COX10: variants seen among roughly 807,000 people sequenced by gnomAD.
The protein encoded by COX10 is protoheme IX farnesyltransferase, mitochondrial.
In COX10, 27 loss-of-function variants were observed where a neutral mutation model predicts 37.3. The ratio of observed to expected loss-of-function variants is 0.72; its 90% CI spans 0.53 to 1.00. The LOEUF is 1.00. Among genes scored for constraint, COX10 ranks in the 50% least tolerant of loss-of-function variants. The probability of loss-of-function intolerance (pLI) is 0.00; values close to 1 mark genes in which losing one functional copy is unlikely to be tolerated. For synonymous variants in COX10, 222 were observed against 229.1 expected, an observed-to-expected ratio of 0.97 and a Z score of 0.28; for missense variants, 475 against 563.2, an observed-to-expected ratio of 0.84 and a Z score of 1.59.
intron 5 of COX10, among the ~76,000 whole-genome samples, chr17:14,175,508 G>T (rs1415204696): frequency 6.6e-6 from 1 of 150,814 alleles, no homozygotes; most frequent in African/African-American, 2.4e-5. Flanking sequence ...TTCTTATAAA[G>T]CTGTCAGTAA....
chr17:14,184,697 T>C (rs1436115450), intron 5 of COX10, among the ~76,000 whole-genome samples: 1 of 152,234 alleles, frequency 6.6e-6, no homozygotes, highest in Non-Finnish European at 1.5e-5. Flanking sequence ...CCTCTGTTCT[T>C]CCACTAGAAC....
intron 5 of COX10, among the ~76,000 whole-genome samples, chr17:14,184,915 A>G (rs1337180225): frequency 1.3e-5 from 2 of 149,746 alleles, no homozygotes; most frequent in African/African-American, 4.9e-5. Flanking sequence ...TTCCCAGGTG[A>G]TGCTGATGGT....
At position 14,076,942 on chromosome 17, in the gene COX10, G is replaced by T. The variant is rs763435925; in HGVS notation, c.385G>T (p.Asp129Tyr). The T allele has an allele frequency of 1.2e-6, 2 of 1,614,048 alleles. No homozygotes were observed. Among genetic ancestry groups the T allele is most frequent in the Non-Finnish European group, 1.7e-6 (2 of 1,180,024 alleles). The change falls in exon 3 of 7, where the codon GAC becomes TAC. Residue 129 changes from aspartate (D) to tyrosine (Y), a missense_variant. Around this residue, in one of 5 missense-constraint regions of COX10, gnomAD observed 242 missense variants for 242.5 expected, o/e 1.00. Transcript: ENST00000261643. Reference sequence around the variant, plus strand: ...ACTAGAGCCAGACTCAGTAATTGAAGACTCAATAGATGTAGGGAAAGAGAC... The same window carrying T: ...ACTAGAGCCAGACTCAGTAATTGAATACTCAATAGATGTAGGGAAAGAGAC... ...IELEPDSVIE[D>Y]SIDVGKETKE...
At position 14,151,822 on chromosome 17, in the gene COX10, A is replaced by G. The variant is rs80042130; in HGVS notation, c.625-8055A>G. 4.6e-3 allele frequency among the ~76,000 whole-genome samples: 699 copies of G among 152,350 alleles called. 28 individuals are homozygous for G. The East Asian group carries it at 0.088, about 19-fold the overall frequency. ...TACATGTAACTTCAACTAATTCAAT[A>G]AAGAATATGGACTCTAACAGGCTAA... On this transcript the variant is annotated intron_variant, in intron 4 of 6. Coordinates refer to ENST00000261643, the MANE Select transcript of COX10 (RefSeq NM_001303.4).
intron 6 of COX10, among the ~76,000 whole-genome samples, chr17:14,194,680 C>T (rs1380363714): frequency 6.6e-6 from 1 of 152,200 alleles, no homozygotes; most frequent in African/African-American, 2.4e-5. Context: ...CTGCCTCGGC[C>T]TCCCAAAGTG....
intron 1 of COX10, 96 bp from the exon 2 acceptor site, chr17:14,074,227 C>T: frequency 7.3e-7 from 1 of 1,363,082 alleles, no homozygotes; most frequent in Non-Finnish European, 1.0e-6. Context: ...GTAGCGCTTA[C>T]CTTAGTGGCT....
At chr17:14,090,920 C>T (rs1166552370) in intron 3 of COX10, among the ~76,000 whole-genome samples, 1 of 152,164 alleles carries the variant, frequency 6.6e-6, no homozygotes, top group African/African-American at 2.4e-5. Context: ...AGCGCGGTGC[C>T]TTGCAAATAA....
intron 6 of COX10, among the ~76,000 whole-genome samples, chr17:14,197,315 G>C (rs1254569951): frequency 1.3e-5 from 2 of 152,154 alleles, no homozygotes; most frequent in African/African-American, 4.8e-5. Context: ...TGGCTACAGG[G>C]CCAGATTAAG....
At chr17:14,070,811 T>C (rs973325496) in intron 1 of COX10, among the ~76,000 whole-genome samples, 2 of 152,256 alleles carry the variant, frequency 1.3e-5, no homozygotes, top group African/African-American at 2.4e-5. Flanking sequence ...GGGCAATTCA[T>C]TTGACTTTTC....
intron 4 of COX10, among the ~76,000 whole-genome samples, chr17:14,158,866 TC>T (rs1216757043): frequency 1.3e-5 from 2 of 152,230 alleles, no homozygotes; most frequent in African/African-American, 4.8e-5. Context: ...TTGATTTGGT[TC>T]TAGCCCATTT....
At chr17:14,084,980 A>G (rs1031634360) in intron 3 of COX10, among the ~76,000 whole-genome samples, 2 of 152,158 alleles carry the variant, frequency 1.3e-5, no homozygotes, top group African/African-American at 4.8e-5. Context: ...CTTTTTGCAT[A>G]CAGTTTTTCA....
rs77761324 is a variant in COX10, at chr17:14,089,350, G to C, written c.499+12294G>C. 4.2e-3 allele frequency among the ~76,000 whole-genome samples: 637 copies of C among 152,326 alleles called. 23 individuals carry two copies. In the East Asian group the frequency reaches 0.074, roughly 18 times the overall value. ...CAGCTTGGCATTTACTTTTCCATTA[G>C]TGGTTGTGGATGTGTACTGATCTGG... On this transcript the variant is annotated intron_variant, in intron 3 of 6. Transcript: ENST00000261643.
At chr17:14,117,607 G>A (rs141657923) in intron 4 of COX10, among the ~76,000 whole-genome samples, 2,120 of 152,286 alleles carry the variant, frequency 0.014, 22 homozygotes, top group Non-Finnish European at 0.023. Flanking sequence ...GCTCAAACCC[G>A]GAGGGGGAAC....
At chr17:14,129,704 C>T (rs559705889) in intron 4 of COX10, among the ~76,000 whole-genome samples, 5 of 152,234 alleles carry the variant, frequency 3.3e-5, no homozygotes, top group African/African-American at 7.2e-5. Context: ...TAGCAAAAGA[C>T]GTGAAGATGC....
chr17:14,111,553 A>G (rs1670238045), intron 4 of COX10, among the ~76,000 whole-genome samples: 2 of 152,146 alleles, frequency 1.3e-5, no homozygotes, highest in Non-Finnish European at 2.9e-5. Flanking sequence ...TTTCCTTAGT[A>G]CTAAAAGGTA....
At chr17:14,179,909 T>C (rs1363496967) in intron 5 of COX10, among the ~76,000 whole-genome samples, 2 of 151,806 alleles carry the variant, frequency 1.3e-5, no homozygotes, top group African/African-American at 2.4e-5. Flanking sequence ...ACACTTGGAA[T>C]TGGGGTCAGT....
At chr17:14,128,666 A>G (rs1435653315) in intron 4 of COX10, among the ~76,000 whole-genome samples, 2 of 152,152 alleles carry the variant, frequency 1.3e-5, no homozygotes, top group Non-Finnish European at 2.9e-5. Context: ...TTAAATAAAA[A>G]GGACACTGGA....
chr17:14,170,606 G>A (rs1337418084), intron 5 of COX10, among the ~76,000 whole-genome samples: 1 of 152,144 alleles, frequency 6.6e-6, no homozygotes, highest in Non-Finnish European at 1.5e-5. Flanking sequence ...CTTGAGGCCA[G>A]CAGTTTGAGA....
chr17:14,081,987 G>A (rs62054151), intron 3 of COX10, among the ~76,000 whole-genome samples: 9,676 of 152,258 alleles, frequency 0.064, 407 homozygotes, highest in East Asian at 0.11. Flanking sequence ...ATATCCAGGT[G>A]GAGAGACCCA....
Sources: gnomAD v4.1 joint callset for allele counts (sites outside exome capture counted in the v4.1 genomes callset) on GRCh38, gnomAD v4.1.1 for gene constraint, gnomAD v4.1.1 regional missense constraint, MANE v1.5 for transcripts, NCBI Gene and HGNC (gene_info 2026-07-23, HGNC 2026-07-21) for gene names.